The following OXNAD1 variants were observed in gnomAD, a reference collection of about 807,000 sequenced individuals.
OXNAD1 encodes oxidoreductase NAD-binding domain-containing protein 1.
A neutral mutation model predicts 32.9 loss-of-function variants in OXNAD1; 34 were observed. The ratio of observed to expected loss-of-function variants is 1.03; its 90% CI spans 0.79 to 1.38. The LOEUF (loss-of-function observed/expected upper bound fraction) is 1.38, where lower values mean the gene tolerates loss of function less well. Ranked by LOEUF, OXNAD1 falls within the 40% of genes most tolerant of loss-of-function variation. The probability of loss-of-function intolerance (pLI) is 0.00; values close to 1 mark genes in which losing one functional copy is unlikely to be tolerated. For missense variants in OXNAD1, 407 were observed against 379.4 expected (o/e 1.07, Z -0.60); for synonymous variants, 134 against 135.2 (o/e 0.99, Z 0.06).
At chr3:16,343,643 C>A (rs530311098) in intron 9 of OXNAD1, among the ~76,000 whole-genome samples, 2 of 152,346 alleles carry the variant, frequency 1.3e-5, no homozygotes, top group East Asian at 1.9e-4. Flanking sequence ...CATGTGTTTT[C>A]ATAAATTTGG....
At position 16,299,420 on chromosome 3, in the gene OXNAD1, G is replaced by A. The variant is rs532569166; in HGVS notation, c.433-2206G>A. On this transcript the variant is annotated intron_variant, in intron 6 of 8. Transcript: ENST00000285083. This position sits in a 1 kb window ranked among gnomAD's most constrained non-coding sequence, Gnocchi z 4.4. Reference sequence around the variant, plus strand: ...TGCTCCCTTGCTGCTAATTTCTTTTGTCAAAAATGAAAACCCACTTATCAC... The same window carrying A: ...TGCTCCCTTGCTGCTAATTTCTTTTATCAAAAATGAAAACCCACTTATCAC... Among the ~76,000 whole-genome samples the A allele has an allele frequency of 2.6e-5, 4 of 152,088 alleles. No homozygotes were observed. The East Asian group carries it at 7.7e-4, about 29-fold the overall frequency.
At chr3:16,349,411 A>G (rs935683444) in exon 10 of OXNAD1, 4 of 152,292 alleles carry the variant, frequency 2.6e-5, no homozygotes, top group Admixed American at 2.6e-4. Flanking sequence ...GATGGTGACA[A>G]AAGTAAGGCA....
intron 9 of OXNAD1, chr3:16,326,743 T>C: frequency 7.9e-6 from 12 of 1,528,102 alleles, no homozygotes; most frequent in South Asian, 1.1e-5. Flanking sequence ...AAGTGTTCAA[T>C]AGAATCCTAA....
chr3:16,275,141 G>A (rs1405305117), intron 4 of OXNAD1: 3 of 176,306 alleles, frequency 1.7e-5, no homozygotes, highest in East Asian at 2.7e-4. Flanking sequence ...TGCTTTGGCT[G>A]TCTTATAAGA....
intron 9 of OXNAD1, among the ~76,000 whole-genome samples, chr3:16,333,067 T>C (rs1017593895): frequency 6.6e-6 from 1 of 152,248 alleles, no homozygotes; most frequent in African/African-American, 2.4e-5. Context: ...CCAACAGCAC[T>C]ATAACTCATG....
Position 16,299,580 on chromosome 3 carries a change from TC to T in OXNAD1, c.433-2045del, listed in dbSNP as rs2067033394. ...TGTGAATTCAAATAATTTTCATTTT[TC>T]TTAGATCTTCTCTAAATTTAACTCA... On this transcript the variant is annotated intron_variant, in intron 6 of 8. Transcript: ENST00000285083. The surrounding 1 kb of genome is among the most constrained non-coding windows in gnomAD (Gnocchi z 4.4). 6.6e-6 allele frequency among the ~76,000 whole-genome samples: 1 copy of T among 152,230 alleles called. No homozygotes were observed. Among genetic ancestry groups the T allele is most frequent in the African/African-American group, 2.4e-5 (1 of 41,458 alleles).
chr3:16,304,660 A>T lies in OXNAD1; in HGVS notation c.*1098A>T, dbSNP rs148848355. On this transcript the variant is annotated 3_prime_UTR_variant, in exon 9 of 9. Transcript: ENST00000285083. The surrounding 1 kb of genome is among the most constrained non-coding windows in gnomAD (Gnocchi z 4.6). ...CTGAGGCCAGGCCATTCCTTTTATG[A>T]CAAGTAGTCCTGGGCCCAAGGTTGC... is the stretch of plus-strand genomic sequence containing the variant. 84 of 152,326 alleles carry T rather than the reference A, an allele frequency of 5.5e-4. No homozygotes were observed. The highest frequency in any genetic ancestry group is 1.9e-3 in the African/African-American group (77 of 41,562). The allele number at this position is 152,326 out of a possible 1,614,324, so 9.4% of individuals were successfully genotyped here. A position where few individuals can be genotyped will look rare whatever the true frequency, so the allele number is the denominator to read the frequency against.
chr3:16,289,721 A>G lies in OXNAD1; in HGVS notation c.290+3273A>G, dbSNP rs1002438170. 3.3e-5 allele frequency among the ~76,000 whole-genome samples: 5 copies of G among 152,156 alleles called. No homozygotes were observed. The highest frequency in any genetic ancestry group is 1.2e-4 in the African/African-American group (5 of 41,442). On this transcript the variant is annotated intron_variant, in intron 5 of 8. Coordinates refer to ENST00000285083, the MANE Select transcript of OXNAD1 (RefSeq NM_138381.5). The surrounding 1 kb of genome is among the most constrained non-coding windows in gnomAD (Gnocchi z 4.9). The stretch of plus-strand genomic sequence containing the variant: ...TGTCCTCCCCCATTACTCATCTGGT[A>G]AGCATTGTGTGTCTTTTAAGACTGT...
chr3:16,345,817 T>C lies in OXNAD1; in HGVS notation c.*31-3359T>C, dbSNP rs7619635. Among the ~76,000 whole-genome samples the C allele has an allele frequency of 0.016, 1,189 of 74,568 alleles. 8 individuals are homozygous for C. Among genetic ancestry groups the C allele is most frequent in the Non-Finnish European group, 0.017 (615 of 35,444 alleles). 48.9% of individuals were successfully genotyped at this position (74,568 alleles called of 152,430 possible). On this transcript the variant is annotated intron_variant, in intron 9 of 9. Transcript: ENST00000606098. The surrounding 1 kb of genome is among the most constrained non-coding windows in gnomAD (Gnocchi z 5.2). ...GTGTGTGTGTGTGTGTGTGTGTGTG[T>C]GCGCGCGCGCGTGCGCGCACGCGCA... is the stretch of plus-strand genomic sequence containing the variant.
Position 16,301,758 on chromosome 3 carries a change from C to T in OXNAD1, c.565C>T (p.Arg189Trp), listed in dbSNP as rs759790539. The T allele has an allele frequency of 1.4e-5, 23 of 1,613,838 alleles. No individual in the cohort carries two copies. Among genetic ancestry groups the T allele is most frequent in the South Asian group, 1.2e-4 (11 of 91,078 alleles). The change falls in exon 7 of 9, where the codon CGG becomes TGG. Residue 189 changes from arginine (R) to tryptophan (W), a missense_variant. Arg to Trp is a moderately radical substitution (Grantham distance 101, BLOSUM62 -3). Transcript: ENST00000285083. The surrounding 1 kb of genome is among the most constrained non-coding windows in gnomAD (Gnocchi z 4.1). The stretch of plus-strand genomic sequence containing the variant: ...AATTAACCCTCTGCTTTCCATCCTG[C>T]GGCACGCAGCAGATCTCCTCAGAGA... ...VGINPLLSIL[R>W]HAADLLREQA...
chr3:16,271,732 T>C lies in OXNAD1; in HGVS notation c.183+10T>C, dbSNP rs767355436. On this transcript the variant is annotated intron_variant, in intron 4 of 8. Transcript: ENST00000285083. The surrounding 1 kb of genome is among the most constrained non-coding windows in gnomAD (Gnocchi z 4.6). ...TGTCCTTCGACGGGAGGTTTGTATC[T>C]TTGGGGTATGACAGGTTTTTCCAGC... 6.2e-7 allele frequency: 1 copy of C among 1,604,510 alleles called. No homozygotes were observed. The highest frequency in any genetic ancestry group is 1.1e-5 in the South Asian group (1 of 89,018).
chr3:16,311,138 C>G (rs2067953535), intron 9 of OXNAD1, among the ~76,000 whole-genome samples: 1 of 151,774 alleles, frequency 6.6e-6, no homozygotes, highest in African/African-American at 2.4e-5. Flanking sequence ...CAACTCCCTC[C>G]CTCCCTCCCA....
At position 16,317,178 on chromosome 3, in the gene OXNAD1, T is replaced by C; in HGVS notation, c.*30+13586T>C. 6.2e-7 allele frequency: 1 copy of C among 1,613,636 alleles called. No individual in the cohort carries two copies. Among genetic ancestry groups the C allele is most frequent in the Non-Finnish European group, 8.5e-7 (1 of 1,179,988 alleles). Reference sequence around the variant, plus strand: ...TTGTCTCTGGCACTGAGTTTACCTTTTGATTTCCTCATCTGCCTGTTGTGC... The same window carrying C: ...TTGTCTCTGGCACTGAGTTTACCTTCTGATTTCCTCATCTGCCTGTTGTGC... On this transcript the variant is annotated intron_variant, in intron 9 of 9. Coordinates refer to the OXNAD1 transcript ENST00000435829. The surrounding 1 kb of genome is among the most constrained non-coding windows in gnomAD (Gnocchi z 4.3).
rs555901458 is a variant in OXNAD1 at position 16,345,494 on chromosome 3, C to T, written c.*31-3682C>T. On this transcript the variant is annotated intron_variant, in intron 9 of 9. Transcript: ENST00000606098. This position sits in a 1 kb window ranked among gnomAD's most constrained non-coding sequence, Gnocchi z 5.2. ...TGGGTCAACTGAGTAGACCAGATGG[C>T]CCTCCCCAGTGTGGGTGGACACCAT... Among the ~76,000 whole-genome samples, 1 of 152,204 alleles carries T rather than the reference C, an allele frequency of 6.6e-6. No homozygotes were observed. Among genetic ancestry groups the T allele is most frequent in the Admixed American group, 6.5e-5 (1 of 15,296 alleles).
At chr3:16,308,932 AT>A (rs1011319406), downstream of OXNAD1, among the ~76,000 whole-genome samples, 2 of 152,120 alleles carry the variant, frequency 1.3e-5, no homozygotes, top group Admixed American at 6.6e-5. This position sits in a 1 kb window ranked among gnomAD's most constrained non-coding sequence, Gnocchi z 4.4. Context: ...TTGTTAAATA[AT>A]TTTTTAATTA....
intron 9 of OXNAD1, chr3:16,347,898 A>G (rs1320514213): frequency 6.6e-6 from 1 of 152,236 alleles, no homozygotes; most frequent in Non-Finnish European, 1.5e-5. Context: ...CGTGCAAGTA[A>G]CTTATTAAGG....
intron 4 of OXNAD1, among the ~76,000 whole-genome samples, chr3:16,273,243 A>G (rs747170642): frequency 7.9e-5 from 12 of 152,224 alleles, no homozygotes; most frequent in Admixed American, 1.3e-4. Flanking sequence ...TTTAGCGTCA[A>G]CTGATATTTA....
chr3:16,301,976 C>A lies in OXNAD1; in HGVS notation c.675+108C>A. The stretch of plus-strand genomic sequence containing the variant: ...TCTCTGCAAAGGTTCAAACAAAAGG[C>A]TTGGCAAGATTTAATCATGCTTAAA... On this transcript the variant is annotated intron_variant, in intron 7 of 8. Transcript: ENST00000285083. The surrounding 1 kb of genome is among the most constrained non-coding windows in gnomAD (Gnocchi z 4.1). The A allele has an allele frequency of 7.2e-7, 1 of 1,392,190 alleles. No homozygotes were observed. Among genetic ancestry groups the A allele is most frequent in the Non-Finnish European group, 9.7e-7 (1 of 1,031,642 alleles). 86.2% of individuals were successfully genotyped at this position (1,392,190 alleles called of 1,614,324 possible). A position where few individuals can be genotyped will look rare whatever the true frequency, so the allele number is the denominator to read the frequency against.
rs2065402084 is a variant in OXNAD1, at chr3:16,277,168, C to T, written c.183+5446C>T. 6.6e-6 allele frequency among the ~76,000 whole-genome samples: 1 copy of T among 152,074 alleles called. No individual in the cohort carries two copies. The highest frequency in any genetic ancestry group is 1.5e-5 in the Non-Finnish European group (1 of 68,012). On this transcript the variant is annotated intron_variant, in intron 4 of 8. Transcript: ENST00000285083. The surrounding 1 kb of genome is among the most constrained non-coding windows in gnomAD (Gnocchi z 4.3). ...TGTCTTGAACTCCTGACCTCATGAT[C>T]TGCCCTCCTCGGCCTCCCAAAGTGC...
Sources: gnomAD v4.1 joint callset for allele counts (sites outside exome capture counted in the v4.1 genomes callset) on GRCh38, gnomAD v4.1.1 for gene constraint, Gnocchi (gnomAD v3.1) non-coding constraint, MANE v1.5 for transcripts, NCBI Gene and HGNC (gene_info 2026-07-23, HGNC 2026-07-21) for gene names.